The following NIBAN3 variants were observed in gnomAD, a reference collection of about 807,000 sequenced individuals.
The protein encoded by NIBAN3 is niban apoptosis regulator 3, also known as protein Niban 3.
In NIBAN3, 66 loss-of-function variants were observed where a neutral mutation model predicts 76.4. That is an observed-to-expected ratio of 0.86 (90% CI 0.71 to 1.06). The LOEUF is 1.06. NIBAN3 is among the 50% of genes least tolerant of loss of function. The probability of loss-of-function intolerance (pLI) is 0.00; values close to 1 mark genes in which losing one functional copy is unlikely to be tolerated. For synonymous variants in NIBAN3, 360 were observed against 355.2 expected (o/e 1.01, Z -0.15); for missense variants, 808 against 810.7 (o/e 1.00, Z 0.04).
upstream of NIBAN3, chr19:17,523,548 G>C (rs993753225): frequency 1.7e-6 from 2 of 1,148,130 alleles, no homozygotes; most frequent in Non-Finnish European, 2.5e-6. Flanking sequence ...CGGCAGGCAC[G>C]GGGCTGCGAA....
At position 17,542,208 on chromosome 19, in the gene NIBAN3, CG is replaced by C. The variant is rs903870236; in HGVS notation, c.1248del (p.Arg417AlafsTer44). 7 of 1,613,950 alleles carry C rather than the reference CG, an allele frequency of 4.3e-6. No homozygotes were observed. In the African/African-American group the frequency reaches 8.0e-5, roughly 18 times the overall value. On this transcript the variant is annotated frameshift_variant, in exon 10 of 15. Coordinates refer to ENST00000599164, the MANE Select transcript of NIBAN3 (RefSeq NM_001321827.2). LOFTEE classifies it high-confidence loss of function. The surrounding 1 kb of genome is among the most constrained non-coding windows in gnomAD (Gnocchi z 4.8). ...QTCYREAERS[R>X]GRLGQLAAPF... ...ATGCTACCGTGAGGCCGAGCGGAGC[CG>C]GGGGCGCTTGGGGCAGCTGGCAGCA...
At chr19:17,551,160 ATCT>A (rs1226902943) in intron 14 of NIBAN3, among the ~76,000 whole-genome samples, 1 of 151,968 alleles carries the variant, frequency 6.6e-6, no homozygotes, top group Non-Finnish European at 1.5e-5. Flanking sequence ...CAGTGGCAGC[ATCT>A]TGGCTCACTG....
intron 4 of NIBAN3, among the ~76,000 whole-genome samples, chr19:17,534,804 A>AAAAAG (rs1555756800): frequency 1.4e-5 from 2 of 147,696 alleles, no homozygotes; most frequent in Non-Finnish European, 3.0e-5. Flanking sequence ...AAAAAAAAAA[A>AAAAAG]AAAGAAAAGA....
At chr19:17,529,339 C>G (rs2075669890) in intron 1 of NIBAN3, among the ~76,000 whole-genome samples, 1 of 151,698 alleles carries the variant, frequency 6.6e-6, no homozygotes, top group Non-Finnish European at 1.5e-5. Flanking sequence ...AGCAGGCAGG[C>G]TAGTAAAAGT....
At chr19:17,525,576 C>T (rs572760012), upstream of NIBAN3, among the ~76,000 whole-genome samples, 5 of 152,122 alleles carry the variant, frequency 3.3e-5, no homozygotes, top group South Asian at 4.2e-4. Context: ...GAAGCTTGGG[C>T]GACCACGTGC....
chr19:17,550,866 T>TC (rs1555765646), intron 14 of NIBAN3, among the ~76,000 whole-genome samples: 33 of 139,002 alleles, frequency 2.4e-4, no homozygotes, highest in Non-Finnish European at 4.5e-4. Flanking sequence ...TTTTTTTTTT[T>TC]CAAATGCAGG....
chr19:17,551,837 A>C lies in NIBAN3; in HGVS notation c.1802A>C (p.Asp601Ala), dbSNP rs980506214. Reference sequence around the variant, plus strand: ...GGAGGGGCTTGTCCCAGGCAGCCAGACTCTGGTGCCCAGATCCAGCCACTC... The same window carrying C: ...GGAGGGGCTTGTCCCAGGCAGCCAGCCTCTGGTGCCCAGATCCAGCCACTC... ...REGGACPRQP[D>A]SGAQIQPLCP... Residue 601 changes from aspartate to alanine, a missense_variant, in exon 15 of 15, where the codon GAC becomes GCC. Asp to Ala is a moderately radical substitution (Grantham distance 126). Transcript: ENST00000599164. The C allele has an allele frequency of 3.8e-6, 3 of 780,198 alleles. No individual in the cohort carries two copies. Among genetic ancestry groups the C allele is most frequent in the Non-Finnish European group, 7.2e-6 (3 of 417,554 alleles). The allele number at this position is 780,198 out of a possible 1,614,324, so 48.3% of individuals were successfully genotyped here.
rs1206667721 is a variant in NIBAN3 at position 17,539,680 on chromosome 19, G to A, written c.894G>A (p.Glu298=). 3 of 1,557,434 alleles carry A rather than the reference G, an allele frequency of 1.9e-6. No individual in the cohort carries two copies. The highest frequency in any genetic ancestry group is 1.9e-5 in the Admixed American group (1 of 52,300). ...GLCAFQPEKD[E]LLASLEKTIR... ...GCGCCTTCCAGCCCGAAAAGGACGA[G>A]CTGCTTGCGTCGCTGGAGAAGACGA... Residue 298 remains glutamate, a synonymous_variant, in exon 8 of 15, where the codon GAG becomes GAA. Transcript: ENST00000599164.
chr19:17,542,274 G>T lies in NIBAN3; in HGVS notation c.1309G>T (p.Ala437Ser). ...GGGGATGCAGAGCCTCGTGTTTGGG[G>T]CCCAAGATCTTGCACAGCAGGTGAG... is the stretch of plus-strand genomic sequence containing the variant. Reference protein sequence around the residue: ...FLGMQSLVFGAQDLAQQLMAD... With the variant: ...FLGMQSLVFGSQDLAQQLMAD... Residue 437 changes from alanine (A) to serine (S), a missense_variant, in exon 10 of 15, where the codon GCC becomes TCC. Transcript: ENST00000599164. This position sits in a 1 kb window ranked among gnomAD's most constrained non-coding sequence, Gnocchi z 4.8. 3.7e-6 allele frequency: 6 copies of T among 1,611,642 alleles called. No homozygotes were observed. Among genetic ancestry groups the T allele is most frequent in the Non-Finnish European group, 5.1e-6 (6 of 1,178,972 alleles).
At chr19:17,525,565 TG>T (rs1339881115), upstream of NIBAN3, among the ~76,000 whole-genome samples, 7 of 151,470 alleles carry the variant, frequency 4.6e-5, no homozygotes, top group Non-Finnish European at 1.0e-4. Context: ...ACCTGAGGGG[TG>T]AAGCTTGGGC....
chr19:17,541,904 G>A (rs1291637412), intron 9 of NIBAN3, among the ~76,000 whole-genome samples: 2 of 151,790 alleles, frequency 1.3e-5, no homozygotes, highest in African/African-American at 4.8e-5. Context: ...GGCTGGTATC[G>A]AACTCCTCAC....
At chr19:17,525,404 C>G (rs772427008), upstream of NIBAN3, among the ~76,000 whole-genome samples, 5 of 152,042 alleles carry the variant, frequency 3.3e-5, no homozygotes, top group African/African-American at 1.2e-4. Context: ...CAGCAAACAT[C>G]GAGGGCTGCT....
intron 9 of NIBAN3, among the ~76,000 whole-genome samples, chr19:17,540,908 A>T (rs1457655395): frequency 1.3e-5 from 2 of 152,034 alleles, no homozygotes; most frequent in Admixed American, 1.3e-4. Context: ...TAATTTTTTA[A>T]TTTTTTTGTA....
At chr19:17,531,792 C>T (rs1306950780) in intron 2 of NIBAN3, among the ~76,000 whole-genome samples, 1 of 152,148 alleles carries the variant, frequency 6.6e-6, no homozygotes, top group African/African-American at 2.4e-5. Context: ...CCTTGGCCTC[C>T]CAAAGTGCTG....
At chr19:17,530,615 G>T in intron 1 of NIBAN3, 140 bp from the exon 2 acceptor site, 2 of 591,586 alleles carry the variant, frequency 3.4e-6, no homozygotes, top group Non-Finnish European at 5.3e-6. Context: ...AAGGATGAAT[G>T]AAATTTGGTG....
chr19:17,524,677 A>G (rs1171225090), upstream of NIBAN3, among the ~76,000 whole-genome samples: 2 of 152,218 alleles, frequency 1.3e-5, no homozygotes, highest in Non-Finnish European at 2.9e-5. Context: ...AGCAAAACAG[A>G]GGTTTAGCTC....
At chr19:17,546,388 G>A in intron 12 of NIBAN3, 1 of 246,142 alleles carries the variant, frequency 4.1e-6, no homozygotes, top group Non-Finnish European at 6.7e-6. Flanking sequence ...GCTAATTTTT[G>A]TACTTTTAGT....
chr19:17,532,962 G>T (rs1481049680), intron 3 of NIBAN3, among the ~76,000 whole-genome samples: 1 of 151,842 alleles, frequency 6.6e-6, no homozygotes, highest in Non-Finnish European at 1.5e-5. Flanking sequence ...TGGATGGAGG[G>T]AGAGAGGAGG....
chr19:17,546,808 C>G lies in NIBAN3; in HGVS notation c.1666+11C>G. ...AGAGGATTGACCAAGGTGAGTCCCG[C>G]CCTGCCATGGCTCAGAGGAGCCTGG... On this transcript the variant is annotated intron_variant, in intron 13 of 14. Transcript: ENST00000599164. 6.3e-7 allele frequency: 1 copy of G among 1,583,124 alleles called. No individual in the cohort carries two copies.
Sources: allele counts gnomAD v4.1 joint callset (sites outside exome capture counted in the v4.1 genomes callset), GRCh38; gene constraint gnomAD v4.1.1; non-coding constraint Gnocchi (gnomAD v3.1); transcripts MANE v1.5; gene names NCBI Gene and HGNC (gene_info 2026-07-23, HGNC 2026-07-21).